The following ABLIM1 variants were observed in gnomAD, a reference collection of about 807,000 sequenced individuals.
ABLIM1 encodes the protein actin binding LIM protein 1.
Under a neutral mutation model 107.0 loss-of-function variants are expected in ABLIM1, and 40 were observed. The observed-to-expected ratio is 0.37, with a 90% CI of 0.29 to 0.49. ABLIM1 has a LOEUF of 0.49. Among genes scored for constraint, ABLIM1 ranks in the 20% least tolerant of loss-of-function variants. The probability of loss-of-function intolerance (pLI) is 0.97; values close to 1 mark genes in which losing one functional copy is unlikely to be tolerated. For missense variants in ABLIM1, 857 were observed against 1,008.5 expected (o/e 0.85, Z 2.04); for synonymous variants, 357 against 357.3 (o/e 1.00, Z 0.01).
At chr10:114,527,083 G>T in intron 6 of ABLIM1, 1 of 589,582 alleles carries the variant, frequency 1.7e-6, no homozygotes. Context: ...ATGTGAAACC[G>T]ACAGTGATTG....
chr10:114,474,834 G>A (rs1374713958), intron 8 of ABLIM1, among the ~76,000 whole-genome samples: 1 of 152,148 alleles, frequency 6.6e-6, no homozygotes, highest in East Asian at 1.9e-4. Flanking sequence ...ATTGAATCAT[G>A]GGGCAGTTTC....
exon 1 of ABLIM1, chr10:114,684,320 C>T (rs1244154865): frequency 6.2e-7 from 1 of 1,614,006 alleles, no homozygotes; most frequent in Non-Finnish European, 8.5e-7. Flanking sequence ...TGATGAGGGT[C>T]CGTGAGCTCA....
rs539836306 is a variant in ABLIM1 at position 114,469,690 on chromosome 10, T to C, written c.1276-1474A>G. Among the ~76,000 whole-genome samples, 5 of 152,382 alleles carry C rather than the reference T, an allele frequency of 3.3e-5. No homozygotes were observed. In the East Asian group the frequency reaches 9.6e-4, roughly 29 times the overall value. On this transcript the variant is annotated intron_variant, in intron 10 of 22. Transcript: ENST00000533213. ...TCTTTACTGTCTGTCTCCCACGTGA[T>C]GCCACAAGCTCCATGAGGGCAAGGA...
chr10:114,617,465 G>A (rs1445853012), intron 1 of ABLIM1, among the ~76,000 whole-genome samples: 8 of 151,176 alleles, frequency 5.3e-5, no homozygotes, highest in African/African-American at 9.7e-5. Flanking sequence ...ATGGGGTTTC[G>A]CCACATTGGC....
the ABLIM1 span, among the ~76,000 whole-genome samples, chr10:114,793,887 C>G: frequency 1.3e-5 from 2 of 152,258 alleles, no homozygotes; most frequent in Non-Finnish European, 2.9e-5. Flanking sequence ...GGCACCCTCT[C>G]CATCTCCCCT....
At chr10:114,447,386 T>A (rs916690055) in intron 15 of ABLIM1, among the ~76,000 whole-genome samples, 2 of 152,206 alleles carry the variant, frequency 1.3e-5, no homozygotes, top group Admixed American at 1.3e-4. Flanking sequence ...GACAACATGA[T>A]CTTACAAGAA....
chr10:114,468,112 C>A, intron 11 of ABLIM1, 69 bp downstream of exon 11: 1 of 1,380,800 alleles, frequency 7.2e-7, no homozygotes, highest in Non-Finnish European at 1.0e-6. Context: ...TCAAAAATCC[C>A]AGTCTAGGGA....
chr10:114,462,988 G>T, intron 12 of ABLIM1: 2 of 1,302,204 alleles, frequency 1.5e-6, no homozygotes, highest in Non-Finnish European at 2.0e-6. Flanking sequence ...AGCCTTCCCA[G>T]GGTGCTAATA....
In ABLIM1 at chr10:114,707,358, G is replaced by A. The variant is rs548343484; in HGVS notation, c.-213+60703C>T. ...AGCGATTCTCCAGCCTCAGCCTTCCGAGTAGCTGGAACTACAGGCGCACAC... is the reference window on the plus strand; with the variant it reads ...AGCGATTCTCCAGCCTCAGCCTTCCAAGTAGCTGGAACTACAGGCGCACAC... On this transcript the variant is annotated intron_variant, in intron 1 of 15. Coordinates refer to the ABLIM1 transcript ENST00000651092. This position sits in a 1 kb window ranked among gnomAD's most constrained non-coding sequence, Gnocchi z 4.1. Among the ~76,000 whole-genome samples the A allele has an allele frequency of 2.6e-5, 4 of 152,166 alleles. No individual in the cohort carries two copies. Among genetic ancestry groups the A allele is most frequent in the African/African-American group, 4.8e-5 (2 of 41,526 alleles).
intron 14 of ABLIM1, among the ~76,000 whole-genome samples, chr10:114,450,374 C>A (rs12262335): frequency 6.6e-6 from 1 of 150,574 alleles, no homozygotes; most frequent in Non-Finnish European, 1.5e-5. Flanking sequence ...TTTTTCCTTA[C>A]GCATTTTCAA....
At chr10:114,715,549 G>T (rs942442045) in intron 1 of ABLIM1, among the ~76,000 whole-genome samples, 1 of 152,116 alleles carries the variant, frequency 6.6e-6, no homozygotes, top group Non-Finnish European at 1.5e-5. Context: ...TTGCAGCTCA[G>T]ATTACCCTCC....
At chr10:114,591,611 T>C (rs11196795) in intron 2 of ABLIM1, among the ~76,000 whole-genome samples, 12 of 152,148 alleles carry the variant, frequency 7.9e-5, no homozygotes, top group African/African-American at 9.7e-5. Flanking sequence ...AAATGCTGCG[T>C]CTGGGAACCG....
At chr10:114,765,453 T>C (rs539774015) in intron 1 of ABLIM1, among the ~76,000 whole-genome samples, 1 of 152,324 alleles carries the variant, frequency 6.6e-6, no homozygotes, top group South Asian at 2.1e-4. Flanking sequence ...AGAGCATTTA[T>C]CTTTTCAAGG....
chr10:114,578,323 T>A (rs2072877737), intron 2 of ABLIM1, among the ~76,000 whole-genome samples: 1 of 152,168 alleles, frequency 6.6e-6, no homozygotes, highest in Non-Finnish European at 1.5e-5. Context: ...TAAAACCTTC[T>A]GCTGTTCTTT....
the ABLIM1 span, among the ~76,000 whole-genome samples, chr10:114,788,350 A>T: frequency 6.3e-4 from 88 of 138,664 alleles, no homozygotes; most frequent in Non-Finnish European, 4.9e-4. Flanking sequence ...AAAAAAAAAT[A>T]AATAAATAAA....
intron 1 of ABLIM1, among the ~76,000 whole-genome samples, chr10:114,642,340 G>A (rs1454420062): frequency 1.3e-5 from 2 of 152,000 alleles, no homozygotes; most frequent in Non-Finnish European, 2.9e-5. Context: ...AGAGCTCAAG[G>A]ATGAAATGGT....
chr10:114,723,924 G>C (rs746955790), intron 1 of ABLIM1, among the ~76,000 whole-genome samples: 9 of 152,152 alleles, frequency 5.9e-5, no homozygotes, highest in Non-Finnish European at 1.0e-4. Context: ...ATCTAGAAAT[G>C]TATGTTTTTC....
At chr10:114,535,620 T>A (rs1193720811) in intron 6 of ABLIM1, among the ~76,000 whole-genome samples, 1 of 152,200 alleles carries the variant, frequency 6.6e-6, no homozygotes, top group Non-Finnish European at 1.5e-5. Flanking sequence ...AAGCCTAGCA[T>A]AGAATCTTGC....
rs1268260883 is a variant in ABLIM1 at position 114,749,416 on chromosome 10, A to G, written c.-213+18645T>C. Among the ~76,000 whole-genome samples the G allele has an allele frequency of 2.0e-5, 3 of 150,642 alleles. No homozygotes were observed. The South Asian group carries it at 6.3e-4, about 32-fold the overall frequency. On this transcript the variant is annotated intron_variant, in intron 1 of 15. Transcript: ENST00000651092. ...ATTCTAACAAAGCTAAGTTTTATTCATGTAGTTATTCACAAATTAAAACAA... is the reference window on the plus strand; with the variant it reads ...ATTCTAACAAAGCTAAGTTTTATTCGTGTAGTTATTCACAAATTAAAACAA...
Sources: allele counts gnomAD v4.1 joint callset (sites outside exome capture counted in the v4.1 genomes callset), GRCh38; gene constraint gnomAD v4.1.1; non-coding constraint Gnocchi (gnomAD v3.1); transcripts MANE v1.5; gene names NCBI Gene and HGNC (gene_info 2026-07-23, HGNC 2026-07-21).